The following PPT1 variants were observed in gnomAD, a reference collection of about 807,000 sequenced individuals.
PPT1 encodes ceroid-palmitoyl-palmitoyl-protein thioesterase 1.
Under a neutral mutation model 44.0 loss-of-function variants are expected in PPT1, and 24 were observed. The ratio of observed to expected loss-of-function variants is 0.54; its 90% CI spans 0.39 to 0.77. The LOEUF is 0.77. Among genes scored for constraint, PPT1 ranks in the 30% least tolerant of loss-of-function variants. The probability of loss-of-function intolerance (pLI) is 0.00; values close to 1 mark genes in which losing one functional copy is unlikely to be tolerated. For missense variants in PPT1, 341 were observed against 378.8 expected (o/e 0.90, Z 0.83); for synonymous variants, 148 against 140.2 (o/e 1.06, Z -0.39).
chr1:40,088,159 T>C (rs75120978), intron 5 of PPT1, among the ~76,000 whole-genome samples: 1 of 152,036 alleles, frequency 6.6e-6, no homozygotes, highest in African/African-American at 2.4e-5. Flanking sequence ...TTTTTTTTTT[T>C]TTGAGACGGA....
rs143836869 is a variant in PPT1, at chr1:40,080,618, G to A, written c.537-131C>T. On this transcript the variant is annotated intron_variant, in intron 5 of 8. Coordinates refer to ENST00000642050, the MANE Select transcript of PPT1 (RefSeq NM_000310.4). ...CAGCCAGGCACAGTGGCTCACACCT[G>A]TAATCCCAGCACTTTGGGAGGCTGA... 3.7e-4 allele frequency: 303 copies of A among 812,990 alleles called. No homozygotes were observed. The African/African-American group carries it at 4.2e-3, about 11-fold the overall frequency. The allele number at this position is 812,990 out of a possible 1,614,324, so 50.4% of individuals were successfully genotyped here. A position where few individuals can be genotyped will look rare whatever the true frequency, so the allele number is the denominator to read the frequency against.
intron 6 of PPT1, among the ~76,000 whole-genome samples, chr1:40,079,822 G>A (rs1391243554): frequency 6.6e-6 from 1 of 152,216 alleles, no homozygotes; most frequent in African/African-American, 2.4e-5. Context: ...TCTAGTCAGA[G>A]AAAGCCAAGA....
At chr1:40,074,436 T>C (rs1180795309) in intron 8 of PPT1, among the ~76,000 whole-genome samples, 1 of 118,066 alleles carries the variant, frequency 8.5e-6, no homozygotes, top group Non-Finnish European at 1.7e-5. Flanking sequence ...CCCCGCTTCT[T>C]CTTCTTCTTC....
intron 5 of PPT1, among the ~76,000 whole-genome samples, chr1:40,089,063 G>A (rs571313244): frequency 6.6e-6 from 1 of 152,058 alleles, no homozygotes; most frequent in Non-Finnish European, 1.5e-5. Flanking sequence ...AAGGTGGGTG[G>A]GTCACCTGAG....
At chr1:40,081,307 G>A (rs547885314) in intron 5 of PPT1, among the ~76,000 whole-genome samples, 2 of 152,126 alleles carry the variant, frequency 1.3e-5, no homozygotes, top group East Asian at 1.9e-4. Context: ...AGGCCAAGGC[G>A]GGCAGATCGC....
At chr1:40,072,310 T>C (rs955292434), downstream of PPT1, 5 of 372,466 alleles carry the variant, frequency 1.3e-5, no homozygotes, top group Admixed American at 2.3e-4. Context: ...CCTGAATCCT[T>C]CTTCCCTGCC....
intron 5 of PPT1, among the ~76,000 whole-genome samples, chr1:40,085,923 T>C (rs1649233632): frequency 6.6e-6 from 1 of 152,186 alleles, no homozygotes; most frequent in South Asian, 2.1e-4. Context: ...TTTGAATGGC[T>C]GAAAGTCTCT....
chr1:40,092,633 T>A, intron 1 of PPT1, 126 bp from the exon 2 acceptor site: 1 of 797,450 alleles, frequency 1.3e-6, no homozygotes, highest in Non-Finnish European at 2.2e-6. Context: ...AGAAAATATT[T>A]GCAAAACAGT....
intron 1 of PPT1, among the ~76,000 whole-genome samples, chr1:40,095,725 G>A (rs948749903): frequency 6.6e-6 from 1 of 152,042 alleles, no homozygotes; most frequent in African/African-American, 2.4e-5. Flanking sequence ...CACCTCTACT[G>A]TTACTCTACA....
At chr1:40,089,075 T>C (rs1649412089) in intron 5 of PPT1, among the ~76,000 whole-genome samples, 1 of 151,896 alleles carries the variant, frequency 6.6e-6, no homozygotes, top group African/African-American at 2.4e-5. Flanking sequence ...TCACCTGAGC[T>C]CGGGAAGTTG....
chr1:40,089,242 C>G (rs548904935), intron 5 of PPT1, among the ~76,000 whole-genome samples, 168 bp downstream of exon 5: 1 of 147,344 alleles, frequency 6.8e-6, no homozygotes, highest in Non-Finnish European at 1.5e-5. Context: ...GACAAAATCA[C>G]GCCACTGCCC....
chr1:40,087,514 A>G (rs1649325230), intron 5 of PPT1, among the ~76,000 whole-genome samples: 1 of 152,052 alleles, frequency 6.6e-6, no homozygotes, highest in South Asian at 2.1e-4. Context: ...AAGTGCTGGG[A>G]TAACAGGCAT....
At chr1:40,089,542 C>T (rs1326423913) in intron 4 of PPT1, 30 bp from the exon 5 acceptor site, 2 of 1,496,222 alleles carry the variant, frequency 1.3e-6, no homozygotes, top group South Asian at 1.1e-5. Flanking sequence ...ATATCCACTC[C>T]TTCAATAATG....
At chr1:40,082,458 T>C (rs3131659) in intron 5 of PPT1, 84,114 of 151,702 alleles carry the variant, frequency 0.55, 25,347 homozygotes, top group Non-Finnish European at 0.68. Context: ...ATTAGAAGTG[T>C]TATTTCAGTG....
chr1:40,096,266 T>C (rs1004483795), intron 1 of PPT1, among the ~76,000 whole-genome samples: 3 of 152,242 alleles, frequency 2.0e-5, no homozygotes, highest in Non-Finnish European at 4.4e-5. Flanking sequence ...TTTGATATGT[T>C]ATGTTTTACT....
At chr1:40,071,504 G>A (rs766258784), downstream of PPT1, 2 of 1,613,666 alleles carry the variant, frequency 1.2e-6, no homozygotes, top group East Asian at 4.5e-5. Flanking sequence ...GCAGAAGTTG[G>A]TCACCACAGT....
chr1:40,085,779 T>C (rs920571896), intron 5 of PPT1, among the ~76,000 whole-genome samples: 1 of 152,254 alleles, frequency 6.6e-6, no homozygotes, highest in African/African-American at 2.4e-5. Flanking sequence ...ACATAGCTTT[T>C]ATATGCGCTG....
intron 1 of PPT1, 82 bp from the exon 2 acceptor site, chr1:40,092,589 T>C (rs1649631896): frequency 9.5e-6 from 10 of 1,053,610 alleles, no homozygotes; most frequent in African/African-American, 1.6e-5. Context: ...TCAAACAGCA[T>C]TATCAAGGAT....
At chr1:40,092,290 G>A in intron 2 of PPT1, 108 bp downstream of exon 2, 1 of 1,531,350 alleles carries the variant, frequency 6.5e-7, no homozygotes, top group Non-Finnish European at 9.0e-7. Context: ...AAGGGTGAAA[G>A]TATCACTGTA....
Sources: gnomAD v4.1 joint callset for allele counts (sites outside exome capture counted in the v4.1 genomes callset) on GRCh38, gnomAD v4.1.1 for gene constraint, MANE v1.5 for transcripts, NCBI Gene and HGNC (gene_info 2026-07-23, HGNC 2026-07-21) for gene names.